Variants in RFWD3 observed in about 807,000 individuals in gnomAD.
The protein encoded by RFWD3 is E3 ubiquitin-protein ligase RFWD3.
In RFWD3, 65 loss-of-function variants were observed where a neutral mutation model predicts 87.7. The ratio of observed to expected loss-of-function variants is 0.74; its 90% CI spans 0.61 to 0.91. RFWD3 has a LOEUF of 0.91. Among genes scored for constraint, RFWD3 ranks in the 40% least tolerant of loss-of-function variants. The pLI, the probability that RFWD3 is intolerant of heterozygous loss-of-function variation, is 0.00. For synonymous variants in RFWD3, 433 were observed against 352.8 expected (o/e 1.23, Z -2.55); for missense variants, 1,078 against 938.5 (o/e 1.15, Z -1.94).
At chr16:74,666,261 C>T (rs950112724) in intron 1 of RFWD3, 1 of 152,220 alleles carries the variant, frequency 6.6e-6, no homozygotes, top group Non-Finnish European at 1.5e-5. Context: ...TGTTCTTTTA[C>T]TACATGGGGA....
At position 74,646,206 on chromosome 16, in the gene RFWD3, C is replaced by T. The variant is rs989182590; in HGVS notation, c.793-1471G>A. Among the ~76,000 whole-genome samples the T allele has an allele frequency of 2.6e-5, 4 of 152,084 alleles. No individual in the cohort carries two copies. In the East Asian group the frequency reaches 7.8e-4, roughly 30 times the overall value. ...ACTGGACAACATAGCAAGACCTTGT[C>T]CCTGTTAAAAATTTAAAAAATTAGC... On this transcript the variant is annotated intron_variant, in intron 4 of 12. Transcript: ENST00000361070.
chr16:74,648,304 G>A (rs985790303), intron 4 of RFWD3, among the ~76,000 whole-genome samples: 1 of 151,584 alleles, frequency 6.6e-6, no homozygotes, highest in Non-Finnish European at 1.5e-5. Context: ...AAGCCTGCAA[G>A]CTTCCCATTT....
chr16:74,649,261 G>T, intron 3 of RFWD3, 59 bp from the exon 4 acceptor site: 1 of 1,263,224 alleles, frequency 7.9e-7, no homozygotes, highest in Non-Finnish European at 1.1e-6. Context: ...GATATGTCAG[G>T]TATGAGAAGC....
rs1356887542 is a variant in RFWD3, at chr16:74,632,516, C to T, written c.1577+7G>A. 1 of 1,613,404 alleles carries T rather than the reference C, an allele frequency of 6.2e-7. No individual in the cohort carries two copies. The highest frequency in any genetic ancestry group is 2.2e-5 in the East Asian group (1 of 44,884). ...CCAGTCTCCACCTACTTCCCCAAAT[C>T]ACTCACCTGGTCAGTTTAATAGTGT... is the stretch of plus-strand genomic sequence containing the variant. On this transcript the variant is annotated splice_region_variant and intron_variant, in intron 9 of 12. Coordinates refer to ENST00000361070, the MANE Select transcript of RFWD3 (RefSeq NM_018124.4).
At chr16:74,645,168 T>A (rs1243610113) in intron 4 of RFWD3, among the ~76,000 whole-genome samples, 3 of 152,230 alleles carry the variant, frequency 2.0e-5, no homozygotes, top group African/African-American at 7.2e-5. Context: ...CAGACTGGTA[T>A]AAATTGATGT....
At chr16:74,634,381 TA>T (rs1423814368) in intron 8 of RFWD3, among the ~76,000 whole-genome samples, 2 of 24,552 alleles carry the variant, frequency 8.1e-5, no homozygotes, top group African/African-American at 1.2e-3. Context: ...AAGTACTTTA[TA>T]TATATATATA....
At chr16:74,658,948 T>C (rs1484786059) in intron 2 of RFWD3, among the ~76,000 whole-genome samples, 1 of 152,030 alleles carries the variant, frequency 6.6e-6, no homozygotes, top group Admixed American at 6.6e-5. Context: ...TTTGTATTTT[T>C]AGTAGAGATG....
intron 1 of RFWD3, 81 bp downstream of exon 1, chr16:74,666,705 C>T (rs759607030): frequency 1.3e-5 from 2 of 151,870 alleles, no homozygotes; most frequent in African/African-American, 4.8e-5. Flanking sequence ...CTCCTGAATC[C>T]CAATCCAGGA....
intron 6 of RFWD3, among the ~76,000 whole-genome samples, chr16:74,638,544 CA>C (rs1168051228): frequency 1.1e-4 from 17 of 151,970 alleles, no homozygotes; most frequent in Admixed American, 1.1e-3. Flanking sequence ...ATATGAAATG[CA>C]AAGACAGAAT....
intron 2 of RFWD3, among the ~76,000 whole-genome samples, chr16:74,654,496 C>CCCCT (rs1960817425): frequency 6.6e-6 from 1 of 152,056 alleles, no homozygotes; most frequent in African/African-American, 2.4e-5. Flanking sequence ...ACCAGCCATT[C>CCCCT]CCCTCCCTCC....
intron 2 of RFWD3, among the ~76,000 whole-genome samples, chr16:74,657,468 T>A (rs1961078803): frequency 1.0e-5 from 1 of 99,974 alleles, no homozygotes. Flanking sequence ...ATCACCCAGG[T>A]TTTCTTTTTC....
At chr16:74,651,336 G>C (rs899282808) in intron 3 of RFWD3, among the ~76,000 whole-genome samples, 1 of 152,220 alleles carries the variant, frequency 6.6e-6, no homozygotes. Context: ...AAAGAATCTA[G>C]GCCGGGTGCA....
At chr16:74,638,370 A>G (rs1959330023) in intron 6 of RFWD3, among the ~76,000 whole-genome samples, 2 of 152,354 alleles carry the variant, frequency 1.3e-5, no homozygotes, top group South Asian at 4.1e-4. Flanking sequence ...ATCTGAAGTT[A>G]AAAAGAGCAA....
intron 2 of RFWD3, among the ~76,000 whole-genome samples, chr16:74,652,847 G>C (rs1247881644): frequency 6.6e-6 from 1 of 152,098 alleles, no homozygotes; most frequent in Non-Finnish European, 1.5e-5. Flanking sequence ...CAGAATTAAT[G>C]AAACTTTATA....
At chr16:74,646,201 C>T (rs1005906130) in intron 4 of RFWD3, among the ~76,000 whole-genome samples, 1 of 152,112 alleles carries the variant, frequency 6.6e-6, no homozygotes, top group East Asian at 1.9e-4. Context: ...ATAGCAAGAC[C>T]TTGTCCCTGT....
At chr16:74,651,883 T>G in intron 3 of RFWD3, 37 bp downstream of exon 3, 2 of 1,583,138 alleles carry the variant, frequency 1.3e-6, no homozygotes, top group Non-Finnish European at 1.7e-6. Context: ...TTCATGGATG[T>G]TAGCCTTGTG....
intron 6 of RFWD3, among the ~76,000 whole-genome samples, chr16:74,642,358 A>C (rs1219193952): frequency 6.6e-6 from 1 of 152,156 alleles, no homozygotes; most frequent in Non-Finnish European, 1.5e-5. Flanking sequence ...TCCTGAGCTC[A>C]GGCGATCTGC....
rs778265025 is a variant in RFWD3, at chr16:74,626,443, G to A, written c.2081C>T (p.Pro694Leu). 3.7e-6 allele frequency: 6 copies of A among 1,614,020 alleles called. No individual in the cohort carries two copies. The South Asian group carries it at 5.5e-5, about 15-fold the overall frequency. ...ATTTTTGGTCAATAGTTTGCAAGTAGGTCCTCCAAAAAATGTATGTACAGG... is the reference window on the plus strand; with the variant it reads ...ATTTTTGGTCAATAGTTTGCAAGTAAGTCCTCCAAAAAATGTATGTACAGG... ...CQPVHTFFGG[P>L]TCKLLTKNAI... The change falls in exon 12 of 13, where the codon CCT (proline) becomes CTT (leucine). Residue 694 changes from proline (P) to leucine (L), a missense_variant. Physicochemically the swap from Pro to Leu is moderately conservative, Grantham distance 98. Coordinates refer to ENST00000361070, the MANE Select transcript of RFWD3 (RefSeq NM_018124.4).
chr16:74,634,351 G>C (rs1959176007), intron 8 of RFWD3, among the ~76,000 whole-genome samples: 1 of 150,262 alleles, frequency 6.7e-6, no homozygotes, highest in South Asian at 2.1e-4. Flanking sequence ...ACTAGGCTAT[G>C]ATAACATTTA....
Sources: gnomAD v4.1 joint callset for allele counts (sites outside exome capture counted in the v4.1 genomes callset) on GRCh38, gnomAD v4.1.1 for gene constraint, MANE v1.5 for transcripts, NCBI Gene and HGNC (gene_info 2026-07-23, HGNC 2026-07-21) for gene names.